The following PCDHA2 variants were observed in gnomAD, a reference collection of about 807,000 sequenced individuals.
PCDHA2 encodes the protein protocadherin alpha 2, also known as protocadherin alpha-2.
A neutral mutation model predicts 66.0 loss-of-function variants in PCDHA2; 58 were observed. The ratio of observed to expected loss-of-function variants is 0.88; its 90% CI spans 0.71 to 1.09. The LOEUF (loss-of-function observed/expected upper bound fraction) is 1.09, where lower values mean the gene tolerates loss of function less well. Ranked by LOEUF, PCDHA2 falls within the 50% of genes least tolerant of loss-of-function variation. The probability of loss-of-function intolerance (pLI) is 0.00; values close to 1 mark genes in which losing one functional copy is unlikely to be tolerated. For missense variants in PCDHA2, 1,267 were observed against 1,242.3 expected (o/e 1.02, Z -0.30); for synonymous variants, 634 against 554.0 (o/e 1.14, Z -2.03).
chr5:140,935,894 CT>C (rs55841305), intron 1 of PCDHA2, among the ~76,000 whole-genome samples: 1,605 of 136,716 alleles, frequency 0.012, 14 homozygotes, highest in Non-Finnish European at 0.016. Context: ...TCAATATTAT[CT>C]TTTTTTTTTT....
At chr5:140,835,991 C>A (rs2150249713) in intron 1 of PCDHA2, 70 of 1,613,150 alleles carry the variant, frequency 4.3e-5, no homozygotes, top group Middle Eastern at 1.7e-4. Context: ...TCCAGGTGAG[C>A]GCGCGCGATG....
At chr5:140,940,498 C>T (rs185491489) in intron 1 of PCDHA2, among the ~76,000 whole-genome samples, 7 of 151,984 alleles carry the variant, frequency 4.6e-5, no homozygotes, top group Non-Finnish European at 8.8e-5. Flanking sequence ...AGTCTTGCTC[C>T]GTCGCTCAGG....
intron 1 of PCDHA2, chr5:140,829,848 G>A (rs1406013217): frequency 6.2e-7 from 1 of 1,613,964 alleles, no homozygotes; most frequent in Admixed American, 1.7e-5. Flanking sequence ...CGGTCACTGG[G>A]TGCAGGCCAA....
intron 1 of PCDHA2, chr5:140,855,996 A>G (rs2150345731): frequency 6.7e-7 from 1 of 1,503,004 alleles, no homozygotes; most frequent in Non-Finnish European, 9.0e-7. Flanking sequence ...GTCAGATCGT[A>G]TGTGCGTTCT....
chr5:140,983,030 T>C (rs1333101014), intron 3 of PCDHA2, among the ~76,000 whole-genome samples: 1 of 151,922 alleles, frequency 6.6e-6, no homozygotes, highest in African/African-American at 2.4e-5. Context: ...GGAAGATGGT[T>C]TCTCATGGAA....
At chr5:140,875,103 A>ACTAATATCATG (rs2055275043) in intron 1 of PCDHA2, among the ~76,000 whole-genome samples, 2 of 152,340 alleles carry the variant, frequency 1.3e-5, no homozygotes, top group African/African-American at 4.8e-5. Context: ...ATGTTTTGTT[A>ACTAATATCATG]CTAATATCAT....
At position 140,824,610 on chromosome 5, in the gene PCDHA2, G is replaced by GTTTTT. The variant is rs782443702; in HGVS notation, c.2388+27276_2388+27280dup. 4.6e-3 allele frequency: 437 copies of GTTTTT among 95,104 alleles called. 77 individuals carry two copies. Among genetic ancestry groups the GTTTTT allele is most frequent in the African/African-American group, 0.02 (401 of 20,564 alleles). 5.9% of individuals were successfully genotyped at this position (95,104 alleles called of 1,614,324 possible). On this transcript the variant is annotated intron_variant, in intron 1 of 3. Transcript: ENST00000526136. Reference sequence around the variant, plus strand: ...GGACTACATGCACATGCTAATTAAAGTTTTTTTTTTTTTTTTTTTTTTATT... The same window carrying GTTTTT: ...GGACTACATGCACATGCTAATTAAAGTTTTTTTTTTTTTTTTTTTTTTTTTTTATT...
rs1325390456 is a variant in PCDHA2, at chr5:140,928,073, A to G, written c.2389-50876A>G. 8.7e-6 allele frequency: 14 copies of G among 1,614,066 alleles called. No homozygotes were observed. The highest frequency in any genetic ancestry group is 8.0e-5 in the African/African-American group (6 of 74,934). On this transcript the variant is annotated intron_variant, in intron 1 of 3. Coordinates refer to ENST00000526136, the MANE Select transcript of PCDHA2 (RefSeq NM_018905.3). ...CAGCTGACGGCTTCCTTTGACAACTACTACAGCCTGCTGATTGATGGGCCC... is the reference window on the plus strand; with the variant it reads ...CAGCTGACGGCTTCCTTTGACAACTGCTACAGCCTGCTGATTGATGGGCCC...
intron 1 of PCDHA2, among the ~76,000 whole-genome samples, chr5:140,897,748 C>G (rs565250286): frequency 6.6e-5 from 10 of 152,214 alleles, no homozygotes; most frequent in Non-Finnish European, 1.5e-4. Flanking sequence ...GTTCTAGATC[C>G]CTGAGGAATC....
intron 1 of PCDHA2, among the ~76,000 whole-genome samples, chr5:140,845,100 T>G (rs1393397461): frequency 1.3e-5 from 2 of 149,736 alleles, no homozygotes; most frequent in Non-Finnish European, 3.0e-5. Flanking sequence ...TACAGTTCTC[T>G]TAATGCCTGT....
chr5:140,802,605 C>A, intron 1 of PCDHA2: 1 of 1,614,074 alleles, frequency 6.2e-7, no homozygotes, highest in Non-Finnish European at 8.5e-7. Context: ...GAACAACCCG[C>A]CGGGCTGCCA....
Position 140,842,518 on chromosome 5 carries a change from C to G in PCDHA2, c.2388+45166C>G, listed in dbSNP as rs2150337921. 3.1e-6 allele frequency: 5 copies of G among 1,613,574 alleles called. 1 individual carries two copies. The South Asian group carries it at 5.5e-5, about 18-fold the overall frequency. ...CCCATGTCCCCTTCAAGCTGGTGTC[C>G]ACCTTCAAGAATTACTACTCGTTGG... On this transcript the variant is annotated intron_variant, in intron 1 of 3. Coordinates refer to ENST00000526136, the MANE Select transcript of PCDHA2 (RefSeq NM_018905.3).
intron 1 of PCDHA2, chr5:140,870,675 C>T (rs1554164570): frequency 6.2e-7 from 1 of 1,612,672 alleles, no homozygotes. Flanking sequence ...CGTTGGACCA[C>T]GAGGAGCTGG....
At chr5:140,941,255 C>CTTTCTTTCTTTCTTTCTTTCTTTCTTTT (rs782490896) in intron 1 of PCDHA2, among the ~76,000 whole-genome samples, 1 of 44,508 alleles carries the variant, frequency 2.2e-5, no homozygotes, top group Non-Finnish European at 5.1e-5. Flanking sequence ...TTCTTTCTTT[C>CTTTCTTTCTTTCTTTCTTTCTTTCTTTT]TCTTTCTTTC....
chr5:140,884,518 C>G, intron 1 of PCDHA2: 2 of 1,614,054 alleles, frequency 1.2e-6, no homozygotes, highest in Non-Finnish European at 1.7e-6. Context: ...GTTGGTCGTA[C>G]TCGCAGCAGA....
intron 1 of PCDHA2, chr5:140,836,474 C>A: frequency 6.2e-7 from 1 of 1,613,830 alleles, no homozygotes; most frequent in Non-Finnish European, 8.5e-7. Context: ...TGGATGTCAA[C>A]GTGTACCTGA....
chr5:140,927,192 G>T, intron 1 of PCDHA2: 4 of 1,614,154 alleles, frequency 2.5e-6, no homozygotes, highest in Non-Finnish European at 3.4e-6. Flanking sequence ...ACGACCTGGT[G>T]CTCGAGGACC....
chr5:140,877,632 G>A (rs2057247482), intron 1 of PCDHA2: 2 of 1,613,768 alleles, frequency 1.2e-6, no homozygotes, highest in East Asian at 4.5e-5. Context: ...TGTACACTGC[G>A]CTGCGTTGCT....
chr5:140,967,108 G>A (rs2096097580), intron 1 of PCDHA2: 1 of 1,612,960 alleles, frequency 6.2e-7, no homozygotes, highest in South Asian at 1.1e-5. Flanking sequence ...GTGAGCAGCG[G>A]CCTCGCTGCC....
Sources: gnomAD v4.1 joint callset for allele counts (sites outside exome capture counted in the v4.1 genomes callset) on GRCh38, gnomAD v4.1.1 for gene constraint, MANE v1.5 for transcripts, NCBI Gene and HGNC (gene_info 2026-07-23, HGNC 2026-07-21) for gene names.